SNRPN: variants seen among roughly 807,000 people sequenced by gnomAD.
The protein encoded by SNRPN is small nuclear ribonucleoprotein polypeptide N, also known as small nuclear ribonucleoprotein-associated protein N.
SNRPN carries 7 observed loss-of-function variants against 25.2 expected under a neutral mutation model. The ratio of observed to expected loss-of-function variants is 0.28; its 90% CI spans 0.16 to 0.52. The LOEUF (loss-of-function observed/expected upper bound fraction) is 0.52, where lower values mean the gene tolerates loss of function less well. SNRPN is among the 20% of genes least tolerant of loss of function. SNRPN has a pLI of 0.96. For missense variants in SNRPN, 196 were observed against 322.5 expected (o/e 0.61, Z 3.00); for synonymous variants, 124 against 110.6 (o/e 1.12, Z -0.76).
intron 1 of SNRPN, among the ~76,000 whole-genome samples, chr15:24,880,413 G>C (rs2056466427): frequency 6.6e-6 from 1 of 152,234 alleles, no homozygotes; most frequent in East Asian, 1.9e-4. Flanking sequence ...CTGGGTTTCT[G>C]CCTGTCTTAA....
chr15:24,956,356 G>A (rs974597735), intron 1 of SNRPN, among the ~76,000 whole-genome samples: 1 of 149,642 alleles, frequency 6.7e-6, no homozygotes, highest in Non-Finnish European at 1.5e-5. Context: ...CGCTTCAGCG[G>A]GGGGGTGGCC....
At chr15:24,835,826 C>T (rs567713494) in intron 2 of SNRPN, among the ~76,000 whole-genome samples, 21 of 152,122 alleles carry the variant, frequency 1.4e-4, no homozygotes, top group Middle Eastern at 6.8e-3. Context: ...AAGTCAATTT[C>T]TTTTTTCTTT....
intron 3 of SNRPN, among the ~76,000 whole-genome samples, chr15:24,923,276 G>A (rs546114886): frequency 6.6e-5 from 10 of 152,226 alleles, no homozygotes; most frequent in Non-Finnish European, 1.0e-4. Flanking sequence ...CACTGCAATC[G>A]TAATCACTGA....
intron 2 of SNRPN, chr15:24,967,234 A>G (rs1338637714): frequency 6.6e-6 from 1 of 152,344 alleles, no homozygotes; most frequent in Non-Finnish European, 1.5e-5. Flanking sequence ...AAATATTTCT[A>G]GACTTGGTAA....
chr15:24,918,965 G>A (rs11854954), intron 2 of SNRPN, among the ~76,000 whole-genome samples: 1,292 of 52,532 alleles, frequency 0.025, 577 homozygotes, highest in African/African-American at 0.12. Context: ...ATATATGCGC[G>A]CATATATATA....
chr15:24,907,852 A>G (rs2058933698), intron 2 of SNRPN, among the ~76,000 whole-genome samples: 1 of 152,004 alleles, frequency 6.6e-6, no homozygotes. Flanking sequence ...CAGGAATTCG[A>G]GACCAGCCTG....
chr15:24,836,588 T>G (rs2051216785), intron 2 of SNRPN, among the ~76,000 whole-genome samples: 1 of 151,878 alleles, frequency 6.6e-6, no homozygotes. Context: ...ATTTGTGTAT[T>G]TTTTAGTAAA....
intron 2 of SNRPN, chr15:24,849,463 A>C (rs554876243): frequency 2.6e-5 from 4 of 152,316 alleles, no homozygotes; most frequent in African/African-American, 9.6e-5. Context: ...AGTGGTGATC[A>C]CACAGGAATA....
chr15:24,864,446 C>A (rs1172876204), intron 1 of SNRPN, among the ~76,000 whole-genome samples: 2 of 148,296 alleles, frequency 1.3e-5, no homozygotes, highest in African/African-American at 2.5e-5. Context: ...CGGGTTCAAG[C>A]GATTCTCCTG....
intron 1 of SNRPN, among the ~76,000 whole-genome samples, chr15:24,867,801 G>T (rs969126133): frequency 1.3e-5 from 2 of 152,094 alleles, no homozygotes; most frequent in African/African-American, 4.8e-5. Context: ...ATAGCAGATT[G>T]CTATCTACCA....
At chr15:24,976,250 G>C in intron 5 of SNRPN, 55 bp from the exon 6 acceptor site, 1 of 1,280,200 alleles carries the variant, frequency 7.8e-7, no homozygotes, top group Non-Finnish European at 1.1e-6. Flanking sequence ...TAAATATTTT[G>C]ATGAGTGAGT....
upstream of SNRPN, among the ~76,000 whole-genome samples, chr15:24,854,920 C>T (rs2053244186): frequency 2.0e-5 from 3 of 151,854 alleles, 1 homozygote; most frequent in South Asian, 6.2e-4. Context: ...AGGAGAATCA[C>T]TTGAACTTGG....
intron 1 of SNRPN, among the ~76,000 whole-genome samples, chr15:24,858,869 C>A (rs2146896009): frequency 6.6e-6 from 1 of 152,076 alleles, no homozygotes; most frequent in Admixed American, 6.6e-5. Context: ...AACCCCCACC[C>A]CCTTTTCCTT....
chr15:24,828,168 A>T (rs772947755), intron 1 of SNRPN, among the ~76,000 whole-genome samples: 2 of 152,158 alleles, frequency 1.3e-5, no homozygotes, highest in Non-Finnish European at 2.9e-5. Flanking sequence ...TGACTATGAT[A>T]GTTCTAAACA....
At chr15:24,916,286 A>G (rs2059518410) in intron 2 of SNRPN, among the ~76,000 whole-genome samples, 1 of 152,126 alleles carries the variant, frequency 6.6e-6, no homozygotes, top group Admixed American at 6.6e-5. Context: ...TTTAAGGAGC[A>G]ATGTGGGTTA....
chr15:24,919,773 T>G (rs1487677840), intron 2 of SNRPN, among the ~76,000 whole-genome samples: 1 of 152,162 alleles, frequency 6.6e-6, no homozygotes, highest in Non-Finnish European at 1.5e-5. Flanking sequence ...TTGCTAAAGC[T>G]GGATTTGACA....
rs1328143257 is a variant in SNRPN at position 24,962,274 on chromosome 15, T to G, written c.-295+65T>G. ...TCTCCTTTCAGATTAGAACAAAATA[T>G]CATGCAATGAGGGGATTAAAATGAA... On this transcript the variant is annotated intron_variant, in intron 2 of 9. Coordinates refer to ENST00000390687, the MANE Select transcript of SNRPN (RefSeq NM_003097.6). The G allele has an allele frequency of 8.6e-6, 11 of 1,278,376 alleles. No homozygotes were observed. In the South Asian group the frequency reaches 1.1e-4, roughly 13 times the overall value. The allele number at this position is 1,278,376 out of a possible 1,614,324, so 79.2% of individuals were successfully genotyped here. A position where few individuals can be genotyped will look rare whatever the true frequency, so the allele number is the denominator to read the frequency against.
intron 1 of SNRPN, among the ~76,000 whole-genome samples, chr15:24,856,999 GTGT>G (rs1446130179): frequency 6.6e-6 from 1 of 152,144 alleles, no homozygotes; most frequent in African/African-American, 2.4e-5. Context: ...GCGGTTTTTA[GTGT>G]TGTCGAGAAA....
At position 24,834,949 on chromosome 15, in the gene SNRPN, T is replaced by C; in HGVS notation, c.-579+5044T>C. 3.8e-5 allele frequency among the ~76,000 whole-genome samples: 2 copies of C among 52,294 alleles called. 1 individual carries two copies. The highest frequency in any genetic ancestry group is 7.5e-5 in the Non-Finnish European group (2 of 26,818). 34.3% of individuals were successfully genotyped at this position (52,294 alleles called of 152,430 possible). A position where few individuals can be genotyped will look rare whatever the true frequency, so the allele number is the denominator to read the frequency against. On this transcript the variant is annotated intron_variant, in intron 2 of 12. Transcript: ENST00000400100. ...AAAAAAAAAAAAGAAATGCATATAA[T>C]ATATATAGTATATATAGTATATATA...
Sources: allele counts gnomAD v4.1 joint callset (sites outside exome capture counted in the v4.1 genomes callset), GRCh38; gene constraint gnomAD v4.1.1; transcripts MANE v1.5; gene names NCBI Gene and HGNC (gene_info 2026-07-23, HGNC 2026-07-21).